Variants in TAOK1 observed in about 807,000 individuals in gnomAD.
TAOK1 encodes the protein serine/threonine-protein kinase TAO1.
Under a neutral mutation model 138.3 loss-of-function variants are expected in TAOK1, and 21 were observed. The observed-to-expected ratio is 0.15, with a 90% confidence interval of 0.11 to 0.22. The LOEUF is 0.22. Among genes scored for constraint, TAOK1 ranks in the 10% least tolerant of loss-of-function variants. The probability of loss-of-function intolerance (pLI) is 1.00; values close to 1 mark genes in which losing one functional copy is unlikely to be tolerated. For missense variants in TAOK1, 651 were observed against 1,227.7 expected (o/e 0.53, Z 7.02); for synonymous variants, 361 against 398.4 (o/e 0.91, Z 1.12).
intron 2 of TAOK1, among the ~76,000 whole-genome samples, chr17:29,457,654 T>TGC (rs2030422795): frequency 7.3e-6 from 1 of 136,898 alleles, no homozygotes; most frequent in African/African-American, 2.7e-5. Context: ...GATCCACCCA[T>TGC]CTCGGCCTCC....
chr17:29,435,549 TC>T (rs1906000448), intron 1 of TAOK1, among the ~76,000 whole-genome samples: 1 of 152,052 alleles, frequency 6.6e-6, no homozygotes, highest in African/African-American at 2.4e-5. Context: ...CCTCTTAAGG[TC>T]CCAAGATAAA....
intron 10 of TAOK1, among the ~76,000 whole-genome samples, chr17:29,493,766 T>C (rs548047033): frequency 3.0e-4 from 46 of 152,074 alleles, no homozygotes; most frequent in Middle Eastern, 3.4e-3. Context: ...AAAAAACTAA[T>C]AAAAAAATTT....
intron 8 of TAOK1, among the ~76,000 whole-genome samples, chr17:29,486,970 C>T (rs1404162140): frequency 2.0e-5 from 3 of 151,750 alleles, no homozygotes; most frequent in Admixed American, 6.6e-5. Context: ...TATTAAGGGC[C>T]AGTTGCTGTG....
chr17:29,541,943 C>T (rs188263458), intron 19 of TAOK1, among the ~76,000 whole-genome samples: 11 of 151,848 alleles, frequency 7.2e-5, no homozygotes, highest in Admixed American at 6.6e-4. Context: ...GGCACGATCT[C>T]GGCTCACTGC....
intron 3 of TAOK1, among the ~76,000 whole-genome samples, chr17:29,472,256 GTT>G (rs36070425): frequency 2.1e-5 from 3 of 142,836 alleles, no homozygotes; most frequent in Non-Finnish European, 4.6e-5. Flanking sequence ...GCCGTTGTGT[GTT>G]TTTTTTTTTT....
intron 10 of TAOK1, among the ~76,000 whole-genome samples, chr17:29,495,182 A>G (rs1423757018): frequency 6.6e-6 from 1 of 152,202 alleles, no homozygotes; most frequent in African/African-American, 2.4e-5. Context: ...CCATCATTAA[A>G]TACATTCCTG....
chr17:29,405,731 A>G (rs956664202), intron 1 of TAOK1, among the ~76,000 whole-genome samples: 4 of 152,176 alleles, frequency 2.6e-5, no homozygotes, highest in African/African-American at 7.2e-5. Flanking sequence ...GTGAGCCGAC[A>G]TCGAACCTCT....
chr17:29,467,103 C>T, intron 2 of TAOK1, 42 bp from the exon 3 acceptor site: 2 of 1,448,558 alleles, frequency 1.4e-6, no homozygotes, highest in Non-Finnish European at 1.9e-6. Flanking sequence ...TAGATTTCAC[C>T]TGTTAATTTT....
intron 8 of TAOK1, among the ~76,000 whole-genome samples, chr17:29,487,220 T>C (rs540446551): frequency 8.1e-6 from 1 of 122,960 alleles, no homozygotes; most frequent in Admixed American, 1.0e-4. Context: ...CACTCCAGCC[T>C]GGGCAACAGA....
At chr17:29,454,752 A>G (rs1040943690) in intron 2 of TAOK1, among the ~76,000 whole-genome samples, 3 of 151,632 alleles carry the variant, frequency 2.0e-5, no homozygotes, top group Admixed American at 1.3e-4. Context: ...CCCAGGTTAG[A>G]GTGCAGTGGT....
Position 29,550,808 on chromosome 17 carries a change from A to G in TAOK1, c.*7786A>G, listed in dbSNP as rs766190868. On this transcript the variant is annotated 3_prime_UTR_variant, in exon 20 of 20. Coordinates refer to ENST00000261716, the MANE Select transcript of TAOK1 (RefSeq NM_020791.4). Reference sequence around the variant, plus strand: ...GCATGATTTTTTTGCACATGTAGAAATTTTTTAAAAGAAAGAAATTAGTAC... The same window carrying G: ...GCATGATTTTTTTGCACATGTAGAAGTTTTTTAAAAGAAAGAAATTAGTAC... The G allele has an allele frequency of 1.3e-5, 2 of 152,406 alleles. No homozygotes were observed. The highest frequency in any genetic ancestry group is 2.4e-5 in the African/African-American group (1 of 41,390). The allele number at this position is 152,406 out of a possible 1,614,324, so 9.4% of individuals were successfully genotyped here.
Position 29,545,910 on chromosome 17 carries a change from C to G in TAOK1, c.*2888C>G, listed in dbSNP as rs2032395865. On this transcript the variant is annotated 3_prime_UTR_variant, in exon 20 of 20. Transcript: ENST00000261716. ...ATATCAGAAGTTGTAAATGCTATATCTGGTATCCAGAGGCTGGCTGTAAAA... is the reference window on the plus strand; with the variant it reads ...ATATCAGAAGTTGTAAATGCTATATGTGGTATCCAGAGGCTGGCTGTAAAA... The G allele has an allele frequency of 5.9e-5, 9 of 152,190 alleles. 1 individual carries two copies. In the South Asian group the frequency reaches 1.9e-3, roughly 32 times the overall value. 9.4% of individuals were successfully genotyped at this position (152,190 alleles called of 1,614,324 possible).
At chr17:29,494,681 C>T (rs1436166484) in intron 10 of TAOK1, among the ~76,000 whole-genome samples, 1 of 151,806 alleles carries the variant, frequency 6.6e-6, no homozygotes, top group Non-Finnish European at 1.5e-5. Flanking sequence ...CAAAAATTAG[C>T]CGGGTGTGGT....
chr17:29,475,866 C>A, intron 4 of TAOK1, 95 bp downstream of exon 4: 2 of 866,462 alleles, frequency 2.3e-6, no homozygotes, highest in Non-Finnish European at 3.8e-6. Flanking sequence ...TAAATGCATG[C>A]AAAAACACCT....
At chr17:29,477,466 C>T in intron 4 of TAOK1, among the ~76,000 whole-genome samples, 195 bp from the exon 5 acceptor site, 1 of 151,698 alleles carries the variant, frequency 6.6e-6, no homozygotes, top group African/African-American at 2.4e-5. Flanking sequence ...GAATACATAA[C>T]TATTTTTTAT....
In TAOK1 at chr17:29,543,144, A is replaced by G. The variant is rs908427110; in HGVS notation, c.*122A>G. The G allele has an allele frequency of 2.5e-6, 2 of 795,744 alleles. No homozygotes were observed. Among genetic ancestry groups the G allele is most frequent in the Admixed American group, 6.5e-5 (2 of 30,654 alleles). The allele number at this position is 795,744 out of a possible 1,614,324, so 49.3% of individuals were successfully genotyped here. A position where few individuals can be genotyped will look rare whatever the true frequency, so the allele number is the denominator to read the frequency against. On this transcript the variant is annotated 3_prime_UTR_variant, in exon 20 of 20. Coordinates refer to ENST00000261716, the MANE Select transcript of TAOK1 (RefSeq NM_020791.4). The stretch of plus-strand genomic sequence containing the variant: ...TGTGGAAGCTGAGTGCATATGGTAT[A>G]TTTTATTCATTTTTGTAAAGCGTTC...
At position 29,452,446 on chromosome 17, in the gene TAOK1, T is replaced by C. The variant is rs1299765458; in HGVS notation, c.132+766T>C. Reference sequence around the variant, plus strand: ...TCTTAGTCTTGTGGAGGTCTAGGATTATTATTTGACAGATATACCAAAGTC... The same window carrying C: ...TCTTAGTCTTGTGGAGGTCTAGGATCATTATTTGACAGATATACCAAAGTC... On this transcript the variant is annotated intron_variant, in intron 2 of 19. Coordinates refer to ENST00000261716, the MANE Select transcript of TAOK1 (RefSeq NM_020791.4). Among the ~76,000 whole-genome samples, 5 of 152,300 alleles carry C rather than the reference T, an allele frequency of 3.3e-5. No homozygotes were observed. The South Asian group carries it at 6.2e-4, about 19-fold the overall frequency.
Position 29,551,374 on chromosome 17 carries a change from C to T in TAOK1, c.*8352C>T, listed in dbSNP as rs1182015546. 6.6e-6 allele frequency: 1 copy of T among 152,194 alleles called. No individual in the cohort carries two copies. The highest frequency in any genetic ancestry group is 1.5e-5 in the Non-Finnish European group (1 of 68,042). 9.4% of individuals were successfully genotyped at this position (152,194 alleles called of 1,614,324 possible). ...CTTCATCTTCTCATCTCCCAAACCC[C>T]CTGAGCCCGTAGGGTTTTCATAGTG... is the stretch of plus-strand genomic sequence containing the variant. On this transcript the variant is annotated 3_prime_UTR_variant, in exon 20 of 20. Transcript: ENST00000261716.
intron 17 of TAOK1, among the ~76,000 whole-genome samples, chr17:29,527,550 G>A (rs965509914): frequency 2.0e-5 from 3 of 152,140 alleles, no homozygotes; most frequent in Admixed American, 6.6e-5. Context: ...ACAAAATAAA[G>A]ACATATTACT....
Sources: gnomAD v4.1 joint callset for allele counts (sites outside exome capture counted in the v4.1 genomes callset) on GRCh38, gnomAD v4.1.1 for gene constraint, MANE v1.5 for transcripts, NCBI Gene and HGNC (gene_info 2026-07-23, HGNC 2026-07-21) for gene names.